SNX18: variants seen among roughly 807,000 people sequenced by gnomAD.
SNX18 encodes the protein sorting nexin 18.
SNX18 carries 35 observed loss-of-function variants against 48.7 expected under a neutral mutation model. The observed-to-expected ratio is 0.72, with a 90% CI of 0.55 to 0.95. The LOEUF is 0.95. SNX18 is among the 40% of genes least tolerant of loss of function. The probability of loss-of-function intolerance (pLI) is 0.00; values close to 1 mark genes in which losing one functional copy is unlikely to be tolerated. For synonymous variants in SNX18, 492 were observed against 384.7 expected, an observed-to-expected ratio of 1.28 and a Z score of -3.26; for missense variants, 824 against 871.0, an observed-to-expected ratio of 0.95 and a Z score of 0.68.
At chr5:54,529,403 T>C (rs874180) in intron 1 of SNX18, among the ~76,000 whole-genome samples, 44,418 of 152,040 alleles carry the variant, frequency 0.29, 6,789 homozygotes, top group East Asian at 0.47. Context: ...ATGGTTTTTG[T>C]ATTTTTAAAT....
chr5:54,561,947 A>G, the SNX18 span, among the ~76,000 whole-genome samples: 1 of 152,194 alleles, frequency 6.6e-6, no homozygotes, highest in South Asian at 2.1e-4. Flanking sequence ...TGATTATTTT[A>G]CTTTCTGAGG....
intron 1 of SNX18, 147 bp downstream of exon 1, chr5:54,519,720 C>G: frequency 1.9e-6 from 3 of 1,614,142 alleles, no homozygotes; most frequent in Non-Finnish European, 2.5e-6. Context: ...GGTCTTTTCC[C>G]TAGAGTGTAA....
At chr5:54,572,556 G>A in the SNX18 span, among the ~76,000 whole-genome samples, 4 of 151,772 alleles carry the variant, frequency 2.6e-5, no homozygotes, top group Non-Finnish European at 5.9e-5. Context: ...GTGACCTGCA[G>A]CCTCGGGCAT....
chr5:54,569,074 C>A, the SNX18 span, among the ~76,000 whole-genome samples: 1 of 151,612 alleles, frequency 6.6e-6, no homozygotes, highest in South Asian at 2.1e-4. Context: ...AACTCCTGAC[C>A]TCAGGTGATC....
chr5:54,577,220 C>A, the SNX18 span, among the ~76,000 whole-genome samples: 10 of 152,250 alleles, frequency 6.6e-5, no homozygotes, highest in South Asian at 4.1e-4. Context: ...TATCCTCTCT[C>A]AAAGCATTTA....
At chr5:54,628,969 T>C in the SNX18 span, among the ~76,000 whole-genome samples, 1 of 152,178 alleles carries the variant, frequency 6.6e-6, no homozygotes, top group Non-Finnish European at 1.5e-5. Context: ...TGAACAGACT[T>C]CTTCAGCACA....
At chr5:54,604,006 G>A in the SNX18 span, among the ~76,000 whole-genome samples, 19 of 152,182 alleles carry the variant, frequency 1.2e-4, no homozygotes, top group Non-Finnish European at 2.2e-4. Flanking sequence ...TTCATCTAAC[G>A]AAAACTTTTT....
the SNX18 span, among the ~76,000 whole-genome samples, chr5:54,634,557 C>A: frequency 6.6e-6 from 1 of 151,808 alleles, no homozygotes; most frequent in Admixed American, 6.6e-5. Context: ...CATCAGCGAT[C>A]CTTAGTGTTA....
chr5:54,638,769 TAGAG>T, the SNX18 span, among the ~76,000 whole-genome samples: 5 of 152,250 alleles, frequency 3.3e-5, no homozygotes, highest in South Asian at 4.1e-4. Context: ...AAAACAAGCA[TAGAG>T]AGAGTTGAGC....
intron 1 of SNX18, among the ~76,000 whole-genome samples, chr5:54,531,720 C>T (rs1315670376): frequency 2.0e-5 from 3 of 152,134 alleles, no homozygotes; most frequent in African/African-American, 2.4e-5. Flanking sequence ...TGCGAGGCAG[C>T]GGGAAAACCA....
At chr5:54,645,611 A>G in the SNX18 span, 4 of 152,266 alleles carry the variant, frequency 2.6e-5, no homozygotes, top group Non-Finnish European at 5.9e-5. Flanking sequence ...AAGAGTTGGC[A>G]TAAAAGACAC....
At chr5:54,596,843 G>A in the SNX18 span, among the ~76,000 whole-genome samples, 1 of 152,120 alleles carries the variant, frequency 6.6e-6, no homozygotes, top group Non-Finnish European at 1.5e-5. Flanking sequence ...TCTTACATTG[G>A]TTCCCTGGGC....
chr5:54,540,729 A>G (rs1409460718), intron 1 of SNX18, among the ~76,000 whole-genome samples: 6 of 152,228 alleles, frequency 3.9e-5, no homozygotes, highest in African/African-American at 9.6e-5. Flanking sequence ...AATTAGAGCA[A>G]GTAATACTTG....
rs1425096814 is a variant in SNX18, at chr5:54,518,708, G to A, written c.756G>A (p.Val252=). The A allele has an allele frequency of 6.3e-7, 1 of 1,587,770 alleles. No individual in the cohort carries two copies. Among genetic ancestry groups the A allele is most frequent in the South Asian group, 1.1e-5 (1 of 87,688 alleles). The change falls in exon 1 of 2, where the codon GTG becomes GTA. Residue 252 remains valine (V), a synonymous_variant. Transcript: ENST00000381410. ...AFVLGEASGF[V]KDGDKLCVVL... ...TGCTGGGGGAGGCGTCAGGCTTCGT[G>A]AAGGACGGGGACAAGCTGTGCGTGG...
chr5:54,528,139 TAC>T (rs10554517), intron 1 of SNX18, among the ~76,000 whole-genome samples: 56,426 of 149,914 alleles, frequency 0.38, 10,545 homozygotes, highest in East Asian at 0.51. Context: ...TACACGCACA[TAC>T]ACACACACAC....
chr5:54,544,252 C>T lies in SNX18; in HGVS notation c.*820C>T, dbSNP rs1206300305. On this transcript the variant is annotated 3_prime_UTR_variant, in exon 2 of 2. Transcript: ENST00000381410. Reference sequence around the variant, plus strand: ...CAAAAGCTTGGCGTGAAGATTTCAGCAAACATGTCTTACAACATGAGGAGG... The same window carrying T: ...CAAAAGCTTGGCGTGAAGATTTCAGTAAACATGTCTTACAACATGAGGAGG... 5 of 152,124 alleles carry T rather than the reference C, an allele frequency of 3.3e-5. No individual in the cohort carries two copies. The highest frequency in any genetic ancestry group is 1.9e-4 in the East Asian group (1 of 5,190). The allele number at this position is 152,124 out of a possible 1,614,324, so 9.4% of individuals were successfully genotyped here. A position where few individuals can be genotyped will look rare whatever the true frequency, so the allele number is the denominator to read the frequency against.
the SNX18 span, among the ~76,000 whole-genome samples, chr5:54,560,067 G>A: frequency 6.6e-6 from 1 of 152,174 alleles, no homozygotes; most frequent in Non-Finnish European, 1.5e-5. Context: ...AGACAGTGTG[G>A]CGATTCCTCA....
chr5:54,572,742 G>GTATA, the SNX18 span, among the ~76,000 whole-genome samples: 2 of 41,668 alleles, frequency 4.8e-5, no homozygotes, highest in African/African-American at 1.8e-4. Flanking sequence ...GTGTGTGTGT[G>GTATA]TGTGTGTGTG....
At chr5:54,567,712 A>T in the SNX18 span, among the ~76,000 whole-genome samples, 5 of 152,208 alleles carry the variant, frequency 3.3e-5, no homozygotes, top group East Asian at 9.6e-4. Context: ...ACAAGGCAAG[A>T]TGACAAGTTT....
Sources: gnomAD v4.1 joint callset for allele counts (sites outside exome capture counted in the v4.1 genomes callset) on GRCh38, gnomAD v4.1.1 for gene constraint, MANE v1.5 for transcripts, NCBI Gene and HGNC (gene_info 2026-07-23, HGNC 2026-07-21) for gene names.